The following BRINP3 variants were observed in gnomAD, a reference collection of about 807,000 sequenced individuals.
BRINP3 encodes BMP/retinoic acid-inducible neural-specific protein 3.
In BRINP3, 19 loss-of-function variants were observed where a neutral mutation model predicts 71.0. The observed-to-expected ratio is 0.27, with a 90% confidence interval of 0.19 to 0.39. BRINP3 has a LOEUF of 0.39. BRINP3 is among the 10% of genes least tolerant of loss of function. BRINP3 has a pLI of 1.00. For synonymous variants in BRINP3, 380 were observed against 337.7 expected (o/e 1.13, Z -1.37); for missense variants, 959 against 940.8 (o/e 1.02, Z -0.25).
rs187037490 is a variant in BRINP3, at chr1:190,291,674, G to A, written c.237-9924C>T. 3.9e-5 allele frequency among the ~76,000 whole-genome samples: 6 copies of A among 152,210 alleles called. No individual in the cohort carries two copies. In the East Asian group the frequency reaches 1.2e-3, roughly 29 times the overall value. On this transcript the variant is annotated intron_variant, in intron 2 of 7. Coordinates refer to ENST00000367462, the MANE Select transcript of BRINP3 (RefSeq NM_199051.3). ...AGTTAACAAACTTTGGCAAGGATATGGAGAAAAGGTAACCCTTGCACACAG... is the reference window on the plus strand; with the variant it reads ...AGTTAACAAACTTTGGCAAGGATATAGAGAAAAGGTAACCCTTGCACACAG...
chr1:190,175,922 C>T (rs554091398), intron 6 of BRINP3, among the ~76,000 whole-genome samples: 3 of 152,104 alleles, frequency 2.0e-5, no homozygotes, highest in Non-Finnish European at 4.4e-5. Context: ...CATGGAGGCT[C>T]TATATTCTAA....
chr1:190,277,051 T>A (rs1349896978), intron 3 of BRINP3, among the ~76,000 whole-genome samples: 1 of 126,978 alleles, frequency 7.9e-6, no homozygotes, highest in East Asian at 2.4e-4. Context: ...CAAATCTTAT[T>A]ATATTGTCTA....
chr1:190,345,543 TA>T (rs924593157), intron 2 of BRINP3, among the ~76,000 whole-genome samples: 2 of 151,426 alleles, frequency 1.3e-5, no homozygotes, highest in African/African-American at 4.8e-5. Context: ...TTATATGAAT[TA>T]AAATAGAAAA....
chr1:190,380,527 A>G (rs190806951), intron 2 of BRINP3, among the ~76,000 whole-genome samples: 1 of 152,292 alleles, frequency 6.6e-6, no homozygotes, highest in Admixed American at 6.5e-5. Context: ...ATTTAACACT[A>G]TGGGACTCAA....
intron 3 of BRINP3, among the ~76,000 whole-genome samples, chr1:190,265,448 T>C (rs1466938467): frequency 6.6e-6 from 1 of 151,684 alleles, no homozygotes; most frequent in African/African-American, 2.4e-5. Context: ...ACGCCTGTAA[T>C]CCCAGCACTA....
At chr1:190,310,279 C>G (rs77153288) in intron 2 of BRINP3, among the ~76,000 whole-genome samples, 1 of 151,248 alleles carries the variant, frequency 6.6e-6, no homozygotes, top group Non-Finnish European at 1.5e-5. Flanking sequence ...TTCAGTGTAC[C>G]GAGAAAAGCT....
intron 6 of BRINP3, among the ~76,000 whole-genome samples, chr1:190,189,533 T>C (rs1653847648): frequency 6.6e-6 from 1 of 152,158 alleles, no homozygotes; most frequent in South Asian, 2.1e-4. Context: ...TGTTCAATTC[T>C]GCTGTTGATA....
intron 2 of BRINP3, among the ~76,000 whole-genome samples, chr1:190,407,057 A>C (rs1412872235): frequency 1.3e-5 from 2 of 152,212 alleles, no homozygotes; most frequent in African/African-American, 4.8e-5. Flanking sequence ...AAAAATAAGT[A>C]AGGGAAAAAC....
At chr1:190,194,738 C>T (rs529717338) in intron 6 of BRINP3, among the ~76,000 whole-genome samples, 106 of 152,088 alleles carry the variant, frequency 7.0e-4, no homozygotes, top group African/African-American at 2.5e-3. Flanking sequence ...TCAACTGAAG[C>T]CCTGGAGATA....
intron 5 of BRINP3, among the ~76,000 whole-genome samples, chr1:190,228,532 A>C (rs966015698): frequency 1.3e-5 from 2 of 151,982 alleles, no homozygotes; most frequent in Non-Finnish European, 2.9e-5. Flanking sequence ...GGTGGCAAGA[A>C]ATGGTGAGTT....
chr1:190,295,163 AG>A (rs1200896108), intron 2 of BRINP3, among the ~76,000 whole-genome samples: 4 of 152,056 alleles, frequency 2.6e-5, no homozygotes, highest in Non-Finnish European at 5.9e-5. Flanking sequence ...TCAAGGCCTG[AG>A]GCTACGTTAG....
intron 1 of BRINP3, among the ~76,000 whole-genome samples, chr1:190,472,174 C>T (rs1022329717): frequency 1.3e-5 from 2 of 151,512 alleles, no homozygotes; most frequent in Non-Finnish European, 3.0e-5. Flanking sequence ...ATTTTATGTA[C>T]AACTCTCTGA....
chr1:190,343,784 T>A (rs2103120668), intron 2 of BRINP3, among the ~76,000 whole-genome samples: 1 of 151,778 alleles, frequency 6.6e-6, no homozygotes, highest in South Asian at 2.1e-4. Context: ...CATAATAAAA[T>A]TATTTTTACT....
intron 2 of BRINP3, among the ~76,000 whole-genome samples, chr1:190,367,490 C>T (rs1669585760): frequency 6.6e-6 from 1 of 152,200 alleles, no homozygotes; most frequent in Non-Finnish European, 1.5e-5. Context: ...GCCCTGGGGA[C>T]ATTTTCCCCA....
intron 2 of BRINP3, among the ~76,000 whole-genome samples, chr1:190,368,662 C>T (rs1340065984): frequency 6.6e-6 from 1 of 152,098 alleles, no homozygotes; most frequent in East Asian, 1.9e-4. Flanking sequence ...TCTGAAGGAA[C>T]TCCTGAAACC....
At chr1:190,301,174 TAC>T (rs1446514086) in intron 2 of BRINP3, among the ~76,000 whole-genome samples, 1,806 of 58,072 alleles carry the variant, frequency 0.031, 80 homozygotes, top group African/African-American at 0.086. Context: ...TACATATATA[TAC>T]ATATATATAT....
intron 2 of BRINP3, among the ~76,000 whole-genome samples, chr1:190,422,766 T>C (rs1673466534): frequency 1.3e-5 from 2 of 151,784 alleles, no homozygotes; most frequent in South Asian, 4.1e-4. Context: ...AAAACTAGAG[T>C]ATTTGAATAT....
chr1:190,394,285 A>G (rs1455830735), intron 2 of BRINP3, among the ~76,000 whole-genome samples: 1 of 151,548 alleles, frequency 6.6e-6, no homozygotes, highest in Non-Finnish European at 1.5e-5. Context: ...GGAGTATTTA[A>G]TGAGTCCTTA....
intron 7 of BRINP3, among the ~76,000 whole-genome samples, chr1:190,126,941 C>T (rs1014644337): frequency 6.6e-6 from 1 of 151,730 alleles, no homozygotes; most frequent in Admixed American, 6.6e-5. Context: ...AAATATTTAA[C>T]AATGATTACT....
Sources: gnomAD v4.1 joint callset for allele counts (sites outside exome capture counted in the v4.1 genomes callset) on GRCh38, gnomAD v4.1.1 for gene constraint, MANE v1.5 for transcripts, NCBI Gene and HGNC (gene_info 2026-07-23, HGNC 2026-07-21) for gene names.